The following ABCC8 variants were observed in gnomAD, a reference collection of about 807,000 sequenced individuals.
ABCC8 encodes the protein ATP-binding cassette sub-family C member 8.
In ABCC8, 137 loss-of-function variants were observed where a neutral mutation model predicts 188.0. The observed-to-expected ratio is 0.73, with a 90% CI of 0.63 to 0.84. The LOEUF (loss-of-function observed/expected upper bound fraction) is 0.84, where lower values mean the gene tolerates loss of function less well. ABCC8 is among the 40% of genes least tolerant of loss of function. The pLI is 0.00. For missense variants in ABCC8, 1,750 were observed against 2,072.7 expected, an observed-to-expected ratio of 0.84 and a Z score of 3.02; for synonymous variants, 797 against 846.5, an observed-to-expected ratio of 0.94 and a Z score of 1.01.
chr11:17,436,289 TG>T, intron 10 of ABCC8: 1 of 401,848 alleles, frequency 2.5e-6, no homozygotes, highest in Non-Finnish European at 4.7e-6. Context: ...CTGGGAAGTC[TG>T]GGGTTGTTAC....
chr11:17,406,635 G>A lies in ABCC8; in HGVS notation c.3316C>T (p.Leu1106=), dbSNP rs1227422892. 6.2e-7 allele frequency: 1 copy of A among 1,614,066 alleles called. No homozygotes were observed. Among genetic ancestry groups the A allele is most frequent in the Non-Finnish European group, 8.5e-7 (1 of 1,179,940 alleles). ...LHRSLLNRII[L]APMRFFETTP... Reference sequence around the variant, plus strand: ...GGAGACGGGTACCTCATGGGGGCTAGGATGATCCGGTTTAGCAGGCTGCGG... The same window carrying A: ...GGAGACGGGTACCTCATGGGGGCTAAGATGATCCGGTTTAGCAGGCTGCGG... Residue 1106 remains leucine (L), a synonymous_variant, in exon 26 of 39, where the codon CTA becomes TTA. Coordinates refer to ENST00000389817, the MANE Select transcript of ABCC8 (RefSeq NM_000352.6).
intron 5 of ABCC8, chr11:17,461,016 A>T (rs1266953391): frequency 2.5e-6 from 1 of 397,856 alleles, no homozygotes; most frequent in Non-Finnish European, 4.7e-6. Flanking sequence ...TGCCTCAGCA[A>T]CTGCCCTGGT....
intron 12 of ABCC8, chr11:17,430,424 G>A (rs1030199478): frequency 8.0e-5 from 28 of 348,734 alleles, no homozygotes; most frequent in Non-Finnish European, 1.6e-4. Flanking sequence ...CACAGTGGAT[G>A]CCTTCTGATA....
intron 16 of ABCC8, among the ~76,000 whole-genome samples, chr11:17,420,096 C>T (rs1335984791): frequency 1.3e-5 from 2 of 152,076 alleles, no homozygotes; most frequent in Non-Finnish European, 2.9e-5. Context: ...CATTTAAGAC[C>T]CCGGCAATAA....
intron 16 of ABCC8, among the ~76,000 whole-genome samples, chr11:17,418,926 A>G (rs916829): frequency 0.89 from 135,782 of 152,252 alleles, 60,811 homozygotes; most frequent in African/African-American, 0.97. Context: ...CTCATTGCTG[A>G]CCTTCACTGT....
chr11:17,466,117 T>C (rs1848128540), intron 3 of ABCC8, among the ~76,000 whole-genome samples: 1 of 151,940 alleles, frequency 6.6e-6, no homozygotes, highest in Admixed American at 6.6e-5. Context: ...AAAAGACAAA[T>C]AGGCCAGGCA....
chr11:17,476,079 C>T (rs879391921), intron 1 of ABCC8, among the ~76,000 whole-genome samples: 1 of 152,222 alleles, frequency 6.6e-6, no homozygotes, highest in Non-Finnish European at 1.5e-5. Flanking sequence ...CCCTAGCTCT[C>T]GCCTCTCCTC....
chr11:17,393,280 G>A (rs968562195), intron 38 of ABCC8, 152 bp from the exon 39 acceptor site: 4 of 1,090,660 alleles, frequency 3.7e-6, no homozygotes, highest in South Asian at 3.0e-5. Context: ...CTTTCCTGGG[G>A]TGGATGTGAC....
Position 17,453,224 on chromosome 11 carries a change from G to C in ABCC8, c.1071C>G (p.Val357=), listed in dbSNP as rs747552453. Residue 357 remains valine, a synonymous_variant, in exon 7 of 39, where the codon GTC becomes GTG. Transcript: ENST00000389817. ...GGGCAAGGAACAGAAGCACAGCTAAGACGTAGGCATTGGCAAGGAACTCTT... is the reference window on the plus strand; with the variant it reads ...GGGCAAGGAACAGAAGCACAGCTAACACGTAGGCATTGGCAAGGAACTCTT... ...SSQEFLANAY[V]LAVLLFLALL... 7 of 1,614,164 alleles carry C rather than the reference G, an allele frequency of 4.3e-6. No homozygotes were observed. Among genetic ancestry groups the C allele is most frequent in the Middle Eastern group, 1.6e-4 (1 of 6,062 alleles).
At chr11:17,410,763 G>T in intron 21 of ABCC8, 110 bp from the exon 22 acceptor site, 1 of 1,521,526 alleles carries the variant, frequency 6.6e-7, no homozygotes. Flanking sequence ...TCTAGGGACT[G>T]AAGCTAGTTA....
Position 17,407,114 on chromosome 11 carries a change from C to A in ABCC8, c.2936G>T (p.Ser979Ile). The part of the protein sequence containing the change: ...EEEEEEEAAE[S>I]EEDDNLSSML... ...GGACGACAGGTTGTCATCCTCCTCG[C>A]TCTCAGCTGCCTCCTCTGCAGGCCG... The change falls in exon 25 of 39, where the codon AGC becomes ATC. Residue 979 changes from serine (S) to isoleucine (I), a missense_variant. Physicochemically the swap from Ser to Ile is moderately radical, Grantham distance 142 (BLOSUM62 -2). Coordinates refer to ENST00000389817, the MANE Select transcript of ABCC8 (RefSeq NM_000352.6). The A allele has an allele frequency of 6.2e-7, 1 of 1,612,594 alleles. No individual in the cohort carries two copies. Among genetic ancestry groups the A allele is most frequent in the Non-Finnish European group, 8.5e-7 (1 of 1,179,870 alleles).
chr11:17,449,496 T>G (rs1956675170), intron 7 of ABCC8, among the ~76,000 whole-genome samples: 1 of 152,118 alleles, frequency 6.6e-6, no homozygotes, highest in Non-Finnish European at 1.5e-5. Flanking sequence ...ATCCCCAGAG[T>G]GCAGCCACCC....
intron 10 of ABCC8, among the ~76,000 whole-genome samples, chr11:17,435,018 T>TGTG (rs1564934631): frequency 6.6e-6 from 1 of 150,416 alleles, no homozygotes. Context: ...TGTGTGTGTG[T>TGTG]TTTGCAAGAA....
At chr11:17,473,779 C>T (rs916960568) in intron 2 of ABCC8, among the ~76,000 whole-genome samples, 2 of 152,214 alleles carry the variant, frequency 1.3e-5, no homozygotes, top group African/African-American at 4.8e-5. Context: ...TTCTCCCTGC[C>T]TCCAGCCTGC....
chr11:17,451,455 G>A (rs539511351), intron 7 of ABCC8, among the ~76,000 whole-genome samples: 106 of 152,332 alleles, frequency 7.0e-4, no homozygotes, highest in Non-Finnish European at 1.3e-3. Context: ...ATATATAGCT[G>A]CACAGGTTGT....
chr11:17,468,552 A>G (rs1020506182), intron 3 of ABCC8, among the ~76,000 whole-genome samples: 1 of 152,170 alleles, frequency 6.6e-6, no homozygotes, highest in Admixed American at 6.5e-5. Flanking sequence ...TTGACGAGCT[A>G]GACTAGTGCC....
intron 16 of ABCC8, among the ~76,000 whole-genome samples, chr11:17,419,500 A>G (rs1480117892): frequency 1.3e-5 from 2 of 152,246 alleles, no homozygotes; most frequent in African/African-American, 4.8e-5. Context: ...GTAAACACAA[A>G]TGCATATGCA....
chr11:17,471,924 C>T (rs186368489), intron 2 of ABCC8, among the ~76,000 whole-genome samples: 1 of 152,282 alleles, frequency 6.6e-6, no homozygotes, highest in East Asian at 1.9e-4. Flanking sequence ...ATAGAAGGTA[C>T]AAGACAGACA....
intron 1 of ABCC8, 62 bp from the exon 2 acceptor site, chr11:17,475,089 G>A (rs1848689206): frequency 1.2e-6 from 2 of 1,604,414 alleles, no homozygotes; most frequent in South Asian, 1.1e-5. Flanking sequence ...GAGGGTGCAT[G>A]AACCCCAGAA....
Sources: allele counts gnomAD v4.1 joint callset (sites outside exome capture counted in the v4.1 genomes callset), GRCh38; gene constraint gnomAD v4.1.1; transcripts MANE v1.5; gene names NCBI Gene and HGNC (gene_info 2026-07-23, HGNC 2026-07-21).